The following COL5A2 variants were observed in gnomAD, a reference collection of about 807,000 sequenced individuals.
COL5A2 encodes the protein collagen type V alpha 2 chain, also known as collagen alpha-2(V) chain.
A neutral mutation model predicts 208.2 loss-of-function variants in COL5A2; 23 were observed. That is an observed-to-expected ratio of 0.11 (90% confidence interval 0.08 to 0.16). The LOEUF is 0.16. Ranked by LOEUF, COL5A2 falls within the 10% of genes least tolerant of loss-of-function variation. The probability of loss-of-function intolerance (pLI) is 1.00; values close to 1 mark genes in which losing one functional copy is unlikely to be tolerated. For missense variants in COL5A2, 1,590 were observed against 1,956.4 expected (o/e 0.81, Z 3.53); for synonymous variants, 625 against 628.5 (o/e 0.99, Z 0.08).
At chr2:189,401,665 A>G in the COL5A2 span, among the ~76,000 whole-genome samples, 3 of 152,180 alleles carry the variant, frequency 2.0e-5, no homozygotes, top group Non-Finnish European at 4.4e-5. Flanking sequence ...GGTTTAACTA[A>G]TTTACACTCC....
chr2:189,401,053 C>CTTTTT, the COL5A2 span, among the ~76,000 whole-genome samples: 129,204 of 151,684 alleles, frequency 0.85, 56,213 homozygotes, highest in Non-Finnish European at 0.95. Flanking sequence ...TCATTCTTTT[C>CTTTTT]TTATTTCCAA....
chr2:189,120,879 T>G (rs1043668791), intron 1 of COL5A2, among the ~76,000 whole-genome samples: 4 of 152,258 alleles, frequency 2.6e-5, no homozygotes, highest in Non-Finnish European at 4.4e-5. Flanking sequence ...CACTTATTCT[T>G]GAAGCAAACA....
the COL5A2 span, among the ~76,000 whole-genome samples, chr2:189,262,439 G>A: frequency 6.6e-6 from 1 of 151,840 alleles, no homozygotes; most frequent in Admixed American, 6.6e-5. Flanking sequence ...TTAGTCACTT[G>A]TACAAAAGTA....
the COL5A2 span, among the ~76,000 whole-genome samples, chr2:189,410,709 T>A: frequency 6.6e-6 from 1 of 152,030 alleles, no homozygotes; most frequent in East Asian, 1.9e-4. Flanking sequence ...AAAGACAAAC[T>A]CAAGGCTTGT....
chr2:189,092,335 T>C lies in COL5A2; in HGVS notation c.542A>G (p.His181Arg). 5.0e-6 allele frequency: 8 copies of C among 1,608,830 alleles called. No individual in the cohort carries two copies. Among genetic ancestry groups the C allele is most frequent in the Non-Finnish European group, 6.8e-6 (8 of 1,177,322 alleles). ...CCTGCTCAAGCCATCGGGTCCTGGG[T>C]GGGACGGATGTCCAGGAGGTCCTGG... ...GAPGPPGHPS[H>R]PGPDGLSRPF... The change falls in exon 7 of 54, where the codon CAC becomes CGC. Residue 181 changes from histidine to arginine, a missense_variant. By Grantham distance (29) the His-to-Arg change is conservative. Transcript: ENST00000374866.
the COL5A2 span, among the ~76,000 whole-genome samples, chr2:189,250,655 C>A: frequency 1.3e-5 from 2 of 152,040 alleles, no homozygotes; most frequent in African/African-American, 4.8e-5. Flanking sequence ...GCTAACTGAA[C>A]GTTCCACTTT....
the COL5A2 span, among the ~76,000 whole-genome samples, chr2:189,272,979 C>T: frequency 1.3e-5 from 2 of 152,108 alleles, no homozygotes; most frequent in African/African-American, 4.8e-5. Context: ...TTCTCCTCTA[C>T]CATCCACAAA....
the COL5A2 span, among the ~76,000 whole-genome samples, chr2:189,234,757 C>T: frequency 6.6e-6 from 1 of 151,696 alleles, no homozygotes; most frequent in African/African-American, 2.4e-5. Context: ...TTTCCTAAAT[C>T]TCATTGTTCT....
the COL5A2 span, among the ~76,000 whole-genome samples, chr2:189,433,159 A>G: frequency 2.0e-5 from 3 of 152,240 alleles, no homozygotes; most frequent in Non-Finnish European, 4.4e-5. Context: ...ACGTACCAGA[A>G]TCTCTGGGAC....
chr2:189,155,022 C>T (rs759406029), intron 1 of COL5A2, among the ~76,000 whole-genome samples: 22 of 152,230 alleles, frequency 1.4e-4, no homozygotes, highest in South Asian at 4.2e-4. Context: ...CTCTAATGTG[C>T]AAGCTGGAGT....
chr2:189,228,688 A>G (rs1482814265), upstream of COL5A2, among the ~76,000 whole-genome samples: 2 of 151,878 alleles, frequency 1.3e-5, no homozygotes, highest in Non-Finnish European at 2.9e-5. Flanking sequence ...CTCCAAAAAG[A>G]AAAACCCAGC....
At chr2:189,322,182 G>A in the COL5A2 span, among the ~76,000 whole-genome samples, 5 of 152,210 alleles carry the variant, frequency 3.3e-5, no homozygotes, top group Non-Finnish European at 7.3e-5. Flanking sequence ...AAAGCAGTGT[G>A]TAGAGGGAAA....
At position 189,052,932 on chromosome 2, in the gene COL5A2, T is replaced by C. The variant is rs1276623925; in HGVS notation, c.2640A>G (p.Leu880=). 1 of 1,614,046 alleles carries C rather than the reference T, an allele frequency of 6.2e-7. No homozygotes were observed. The highest frequency in any genetic ancestry group is 8.5e-7 in the Non-Finnish European group (1 of 1,180,018). The part of the protein sequence containing the change: ...GDAGSPGPQG[L]AGSPGPHGPN... ...TTACATGAGGGCCAGGGGATCCTGC[T>C]AAACCTTGTGGTCCAGGAGAACCAG... The change falls in exon 39 of 54, where the codon TTA becomes TTG. Residue 880 remains leucine (L), a synonymous_variant. Transcript: ENST00000374866.
chr2:189,228,740 T>C (rs1689447556), upstream of COL5A2, among the ~76,000 whole-genome samples: 1 of 151,786 alleles, frequency 6.6e-6, no homozygotes, highest in Non-Finnish European at 1.5e-5. Flanking sequence ...AACATTTAAA[T>C]AATTAGTGGC....
At chr2:189,043,304 G>T in intron 47 of COL5A2, 46 bp from the exon 48 acceptor site, 2 of 1,378,810 alleles carry the variant, frequency 1.5e-6, no homozygotes, top group East Asian at 2.3e-5. Flanking sequence ...ACATATTATT[G>T]TTGAGACTAA....
the COL5A2 span, among the ~76,000 whole-genome samples, chr2:189,347,388 A>G: frequency 1.3e-5 from 2 of 152,172 alleles, no homozygotes; most frequent in Admixed American, 6.5e-5. Flanking sequence ...GGTAAGAAAA[A>G]AATATGGACT....
the COL5A2 span, among the ~76,000 whole-genome samples, chr2:189,383,486 A>G: frequency 1.3e-5 from 2 of 152,240 alleles, no homozygotes; most frequent in East Asian, 3.8e-4. Flanking sequence ...GTATGAATTA[A>G]GTAGGACATA....
At chr2:189,108,187 T>G (rs1687187340) in intron 2 of COL5A2, among the ~76,000 whole-genome samples, 1 of 151,788 alleles carries the variant, frequency 6.6e-6, no homozygotes, top group South Asian at 2.1e-4. Flanking sequence ...TAAGTTACAC[T>G]TTTGTTTTAG....
At chr2:189,358,220 G>A in the COL5A2 span, among the ~76,000 whole-genome samples, 1 of 151,440 alleles carries the variant, frequency 6.6e-6, no homozygotes, top group Non-Finnish European at 1.5e-5. Context: ...GCCCATTGTT[G>A]ATACCTACTG....
Sources: gnomAD v4.1 joint callset for allele counts (sites outside exome capture counted in the v4.1 genomes callset) on GRCh38, gnomAD v4.1.1 for gene constraint, MANE v1.5 for transcripts, NCBI Gene and HGNC (gene_info 2026-07-23, HGNC 2026-07-21) for gene names.